Variants in PIBF1 observed in about 807,000 individuals in gnomAD.
PIBF1 encodes progesterone immunomodulatory binding factor 1.
A neutral mutation model predicts 112.5 loss-of-function variants in PIBF1; 90 were observed. That is an observed-to-expected ratio of 0.80 (90% CI 0.67 to 0.95). The LOEUF (loss-of-function observed/expected upper bound fraction) is 0.95, where lower values mean the gene tolerates loss of function less well. Ranked by LOEUF, PIBF1 falls within the 40% of genes least tolerant of loss-of-function variation. The pLI is 0.00. For synonymous variants in PIBF1, 301 were observed against 288.6 expected (o/e 1.04, Z -0.44); for missense variants, 915 against 852.3 (o/e 1.07, Z -0.92).
At chr13:72,931,092 A>T in intron 13 of PIBF1, 73 bp from the exon 14 acceptor site, 3 of 829,392 alleles carry the variant, frequency 3.6e-6, no homozygotes, top group Non-Finnish European at 6.0e-6. Context: ...ATTTTCAAGT[A>T]CACAAACACA....
At chr13:72,904,839 T>C (rs2040635523) in intron 11 of PIBF1, among the ~76,000 whole-genome samples, 1 of 152,086 alleles carries the variant, frequency 6.6e-6, no homozygotes, top group South Asian at 2.1e-4. Context: ...TTTACACAGC[T>C]GTATGCACTG....
At chr13:72,790,173 G>C (rs1263549265) in intron 2 of PIBF1, among the ~76,000 whole-genome samples, 2 of 152,098 alleles carry the variant, frequency 1.3e-5, no homozygotes, top group Non-Finnish European at 2.9e-5. Flanking sequence ...AAGTTTAGCA[G>C]TTAAGAGTTA....
chr13:72,909,720 G>T (rs971245372), intron 12 of PIBF1, among the ~76,000 whole-genome samples: 3 of 151,888 alleles, frequency 2.0e-5, no homozygotes, highest in Admixed American at 2.0e-4. Flanking sequence ...TCAAACTCCC[G>T]ACCTCAGGTG....
intron 12 of PIBF1, among the ~76,000 whole-genome samples, chr13:72,914,107 G>A (rs2040999394): frequency 6.6e-6 from 1 of 152,004 alleles, no homozygotes; most frequent in Admixed American, 6.6e-5. Flanking sequence ...AATTTCGGCT[G>A]ACTTTTTTCA....
rs71099771 is a variant in PIBF1 at position 72,949,300 on chromosome 13, C to CTTTTTTTTTTTTTTTTTT, written c.1834-15958_1834-15941dup. On this transcript the variant is annotated intron_variant, in intron 14 of 17. Coordinates refer to ENST00000326291, the MANE Select transcript of PIBF1 (RefSeq NM_006346.4). Reference sequence around the variant, plus strand: ...AACTACTACCTAGACAAATAGCTGTCTTTTTTTTTTTTTTTTTTTTTTTTT... The same window carrying CTTTTTTTTTTTTTTTTTT: ...AACTACTACCTAGACAAATAGCTGTCTTTTTTTTTTTTTTTTTTTTTTTTTTTTTTTTTTTTTTTTTTT... 2.5e-4 allele frequency among the ~76,000 whole-genome samples: 14 copies of CTTTTTTTTTTTTTTTTTT among 54,980 alleles called. 4 individuals are homozygous for CTTTTTTTTTTTTTTTTTT. The highest frequency in any genetic ancestry group is 3.6e-4 in the African/African-American group (5 of 13,996). 36.1% of individuals were successfully genotyped at this position (54,980 alleles called of 152,430 possible).
chr13:72,851,736 C>A (rs1046412345), intron 9 of PIBF1, among the ~76,000 whole-genome samples: 3 of 152,218 alleles, frequency 2.0e-5, no homozygotes, highest in Non-Finnish European at 1.5e-5. Flanking sequence ...TCTGGCCCAC[C>A]CATTGCCACC....
intron 16 of PIBF1, among the ~76,000 whole-genome samples, chr13:72,995,351 T>C (rs1158986155): frequency 1.3e-5 from 2 of 151,228 alleles, no homozygotes; most frequent in African/African-American, 4.9e-5. Flanking sequence ...TTCAGCATGA[T>C]CCCACGCCTA....
intron 14 of PIBF1, among the ~76,000 whole-genome samples, chr13:72,958,001 G>T (rs2042497195): frequency 6.6e-6 from 1 of 151,756 alleles, no homozygotes; most frequent in Non-Finnish European, 1.5e-5. Flanking sequence ...AGTTGTTGTG[G>T]CATGCACTAT....
At chr13:72,911,303 A>C (rs1420080102) in intron 12 of PIBF1, among the ~76,000 whole-genome samples, 3 of 152,238 alleles carry the variant, frequency 2.0e-5, no homozygotes, top group African/African-American at 2.4e-5. Flanking sequence ...AAATACAGCA[A>C]TGAAACAGAC....
At chr13:72,913,190 TA>T (rs1261094958) in intron 12 of PIBF1, among the ~76,000 whole-genome samples, 1 of 152,126 alleles carries the variant, frequency 6.6e-6, no homozygotes, top group Non-Finnish European at 1.5e-5. Flanking sequence ...TATATCTTGA[TA>T]GGGTTTGTGT....
intron 14 of PIBF1, among the ~76,000 whole-genome samples, chr13:72,938,102 A>G (rs975957038): frequency 2.6e-4 from 39 of 152,288 alleles, no homozygotes; most frequent in African/African-American, 8.4e-4. Flanking sequence ...ATTTTTGACA[A>G]AAGTCTAGGT....
At chr13:72,916,741 A>G (rs2041112075) in intron 12 of PIBF1, among the ~76,000 whole-genome samples, 1 of 152,108 alleles carries the variant, frequency 6.6e-6, no homozygotes, top group Non-Finnish European at 1.5e-5. Context: ...TTGATATGTT[A>G]TCATTATTTG....
intron 5 of PIBF1, 64 bp from the exon 6 acceptor site, chr13:72,821,785 C>G: frequency 7.9e-7 from 1 of 1,259,428 alleles, no homozygotes; most frequent in Non-Finnish European, 1.1e-6. Context: ...GACTTCAATA[C>G]AGAATTTGGG....
intron 14 of PIBF1, among the ~76,000 whole-genome samples, chr13:72,940,235 A>G (rs993318259): frequency 4.6e-5 from 7 of 151,938 alleles, no homozygotes; most frequent in African/African-American, 1.7e-4. Context: ...TTTCTTTTGA[A>G]TAGCTTCTTT....
Position 72,869,123 on chromosome 13 carries a change from C to T in PIBF1, c.1322+14968C>T, listed in dbSNP as rs541495540. 2.3e-4 allele frequency among the ~76,000 whole-genome samples: 35 copies of T among 152,186 alleles called. 1 individual carries two copies. Among genetic ancestry groups the T allele is most frequent in the Middle Eastern group, 3.4e-3 (1 of 294 alleles). On this transcript the variant is annotated intron_variant, in intron 10 of 17. Transcript: ENST00000326291. Reference sequence around the variant, plus strand: ...CAGCCATCCCATTACTGGGTATATACCCAAAGGACTATAATTCATGCTGCT... The same window carrying T: ...CAGCCATCCCATTACTGGGTATATATCCAAAGGACTATAATTCATGCTGCT...
intron 10 of PIBF1, among the ~76,000 whole-genome samples, chr13:72,856,440 C>T (rs999353352): frequency 6.6e-6 from 1 of 152,042 alleles, no homozygotes; most frequent in East Asian, 1.9e-4. Context: ...CAATTTTCAG[C>T]CAACCTTAAA....
intron 17 of PIBF1, among the ~76,000 whole-genome samples, chr13:73,003,613 C>G (rs1198183955): frequency 1.3e-5 from 2 of 152,010 alleles, no homozygotes; most frequent in African/African-American, 4.8e-5. Context: ...ATGCAAGAGC[C>G]TGTGATGATC....
At chr13:72,933,662 CAAAAAT>C (rs951983620) in intron 14 of PIBF1, among the ~76,000 whole-genome samples, 32 of 152,126 alleles carry the variant, frequency 2.1e-4, no homozygotes, top group Admixed American at 1.7e-3. Context: ...ACTCTAGTCT[CAAAAAT>C]AAAAAGAAAG....
intron 15 of PIBF1, among the ~76,000 whole-genome samples, chr13:72,973,200 AGTTTGAGGCT>A (rs2042939790): frequency 6.6e-6 from 1 of 151,930 alleles, no homozygotes; most frequent in Admixed American, 6.6e-5. Context: ...TGAGCCCAGG[AGTTTGAGGCT>A]GTAGTTCATT....
Sources: allele counts gnomAD v4.1 joint callset (sites outside exome capture counted in the v4.1 genomes callset), GRCh38; gene constraint gnomAD v4.1.1; transcripts MANE v1.5; gene names NCBI Gene and HGNC (gene_info 2026-07-23, HGNC 2026-07-21).